BCKDHB: variants seen among roughly 807,000 people sequenced by gnomAD.
BCKDHB encodes the protein 2-oxoisovalerate dehydrogenase subunit beta, mitochondrial.
A neutral mutation model predicts 48.5 loss-of-function variants in BCKDHB; 41 were observed. The ratio of observed to expected loss-of-function variants is 0.85; its 90% CI spans 0.66 to 1.10. The LOEUF (loss-of-function observed/expected upper bound fraction) is 1.10. BCKDHB is among the 50% of genes least tolerant of loss of function. The pLI is 0.00. For missense variants in BCKDHB, 496 were observed against 494.2 expected (o/e 1.00, Z -0.03); for synonymous variants, 201 against 174.8 (o/e 1.15, Z -1.18).
At chr6:80,388,637 G>A in the BCKDHB span, among the ~76,000 whole-genome samples, 2 of 152,136 alleles carry the variant, frequency 1.3e-5, no homozygotes, top group Non-Finnish European at 2.9e-5. Context: ...AGTTACATGA[G>A]GAAGTGGCTC....
chr6:80,217,318 G>A (rs1044011040), intron 8 of BCKDHB, among the ~76,000 whole-genome samples: 2 of 151,978 alleles, frequency 1.3e-5, no homozygotes, highest in East Asian at 1.9e-4. Flanking sequence ...TTCCAAACAC[G>A]TACTTTCTGT....
At chr6:80,177,049 A>T (rs1477318732) in intron 6 of BCKDHB, among the ~76,000 whole-genome samples, 1 of 151,276 alleles carries the variant, frequency 6.6e-6, no homozygotes, top group African/African-American at 2.4e-5. Context: ...ATATGGTAAA[A>T]CCCTGTCTCT....
chr6:80,285,555 C>G (rs1392200801), intron 9 of BCKDHB, among the ~76,000 whole-genome samples: 3 of 152,044 alleles, frequency 2.0e-5, no homozygotes, highest in African/African-American at 7.2e-5. Context: ...TATCTTTTCT[C>G]CTTTCTGCCT....
intron 8 of BCKDHB, among the ~76,000 whole-genome samples, chr6:80,269,936 G>A (rs1244699284): frequency 2.6e-5 from 4 of 151,962 alleles, no homozygotes; most frequent in Non-Finnish European, 5.9e-5. Context: ...GCCTAGATAT[G>A]TGAACATTAA....
chr6:80,335,578 T>C (rs1387579859), intron 9 of BCKDHB, among the ~76,000 whole-genome samples: 1 of 152,126 alleles, frequency 6.6e-6, no homozygotes, highest in African/African-American at 2.4e-5. Context: ...GGTAGCCCAG[T>C]ACATTTTAAA....
intron 8 of BCKDHB, among the ~76,000 whole-genome samples, chr6:80,253,716 T>C (rs1415328038): frequency 6.6e-6 from 1 of 152,168 alleles, no homozygotes; most frequent in Admixed American, 6.6e-5. Flanking sequence ...AGGAGATCTT[T>C]TGCCCCCCAA....
intron 6 of BCKDHB, among the ~76,000 whole-genome samples, chr6:80,199,389 G>C (rs1400596657): frequency 1.3e-5 from 2 of 152,012 alleles, no homozygotes; most frequent in African/African-American, 4.8e-5. Context: ...TGTCCTTTTT[G>C]AATATACATA....
chr6:80,169,770 C>CT (rs1299837208), intron 5 of BCKDHB: 2 of 1,570,090 alleles, frequency 1.3e-6, no homozygotes, highest in African/African-American at 1.4e-5. Flanking sequence ...GAGCATGTGT[C>CT]TATGTTTTAT....
chr6:80,148,770 A>T lies in BCKDHB; in HGVS notation c.344-18908A>T, dbSNP rs527563576. ...CTGGGAAAACTGGCTAGCCATATGT[A>T]GAAAGCTGAAACTGGATCCCTTCCT... is the stretch of plus-strand genomic sequence containing the variant. On this transcript the variant is annotated intron_variant, in intron 3 of 9. Coordinates refer to ENST00000320393, the MANE Select transcript of BCKDHB (RefSeq NM_183050.4). Among the ~76,000 whole-genome samples the T allele has an allele frequency of 1.7e-3, 264 of 152,330 alleles. 1 individual carries two copies. Among genetic ancestry groups the T allele is most frequent in the African/African-American group, 6.0e-3 (250 of 41,586 alleles).
intron 8 of BCKDHB, 50 bp from the exon 9 acceptor site, chr6:80,273,085 A>C (rs1050398834): frequency 7.4e-7 from 1 of 1,351,580 alleles, no homozygotes; most frequent in African/African-American, 1.5e-5. Context: ...ACCATCATAT[A>C]TATAAAATAG....
chr6:80,453,675 A>C, the BCKDHB span, among the ~76,000 whole-genome samples: 2 of 152,104 alleles, frequency 1.3e-5, no homozygotes, highest in Non-Finnish European at 2.9e-5. Flanking sequence ...GTGAGGTTTG[A>C]TGGGGCATGA....
intron 3 of BCKDHB, among the ~76,000 whole-genome samples, chr6:80,164,498 A>G (rs1239148510): frequency 6.6e-6 from 1 of 152,174 alleles, no homozygotes; most frequent in Admixed American, 6.5e-5. Flanking sequence ...CTGGTTCATC[A>G]TCTAACAAAC....
At chr6:80,208,853 A>C (rs952147225) in intron 8 of BCKDHB, among the ~76,000 whole-genome samples, 2 of 151,862 alleles carry the variant, frequency 1.3e-5, no homozygotes, top group African/African-American at 4.8e-5. Flanking sequence ...TGTAGTCCTT[A>C]TGCAAACCCT....
At chr6:80,434,821 A>G in the BCKDHB span, among the ~76,000 whole-genome samples, 1 of 152,154 alleles carries the variant, frequency 6.6e-6, no homozygotes, top group African/African-American at 2.4e-5. Flanking sequence ...TTTGAGCTCC[A>G]CGACTTGTTC....
chr6:80,364,727 G>A, the BCKDHB span, among the ~76,000 whole-genome samples: 1 of 152,106 alleles, frequency 6.6e-6, no homozygotes, highest in Admixed American at 6.5e-5. Flanking sequence ...ATGATAACAG[G>A]AACAAATGTT....
the BCKDHB span, among the ~76,000 whole-genome samples, chr6:80,391,175 A>ATGTGTGTGTGTGTG: frequency 2.2e-4 from 31 of 144,104 alleles, no homozygotes; most frequent in East Asian, 2.0e-3. Flanking sequence ...ATGCATATAT[A>ATGTGTGTGTGTGTG]TATGTGTGTG....
At chr6:80,184,372 T>C (rs1773546252) in intron 6 of BCKDHB, among the ~76,000 whole-genome samples, 1 of 152,184 alleles carries the variant, frequency 6.6e-6, no homozygotes, top group African/African-American at 2.4e-5. Context: ...AGACAGTAGA[T>C]ACTTGGTTGG....
At chr6:80,187,715 C>G (rs1562119842) in intron 6 of BCKDHB, among the ~76,000 whole-genome samples, 2 of 152,130 alleles carry the variant, frequency 1.3e-5, no homozygotes, top group African/African-American at 4.8e-5. Flanking sequence ...AGCCAACAAG[C>G]ATACGAGAAA....
chr6:80,342,584 G>GAAA (rs1769971263), intron 9 of BCKDHB, among the ~76,000 whole-genome samples: 1 of 105,198 alleles, frequency 9.5e-6, no homozygotes, highest in Non-Finnish European at 1.8e-5. Context: ...AAAAAAGAAA[G>GAAA]GGAAGAAAGG....
Sources: allele counts gnomAD v4.1 joint callset (sites outside exome capture counted in the v4.1 genomes callset), GRCh38; gene constraint gnomAD v4.1.1; transcripts MANE v1.5; gene names NCBI Gene and HGNC (gene_info 2026-07-23, HGNC 2026-07-21).